The following MYLK variants were observed in gnomAD, a reference collection of about 807,000 sequenced individuals.
The protein encoded by MYLK is myosin light chain kinase.
MYLK carries 106 observed loss-of-function variants against 203.4 expected under a neutral mutation model. The ratio of observed to expected loss-of-function variants is 0.52; its 90% CI spans 0.45 to 0.61. The LOEUF is 0.61. Among genes scored for constraint, MYLK ranks in the 20% least tolerant of loss-of-function variants. The probability of loss-of-function intolerance (pLI) is 0.00; values close to 1 mark genes in which losing one functional copy is unlikely to be tolerated. For synonymous variants in MYLK, 867 were observed against 959.5 expected (o/e 0.90, Z 1.78); for missense variants, 2,072 against 2,442.3 (o/e 0.85, Z 3.20).
intron 11 of MYLK, among the ~76,000 whole-genome samples, chr3:123,730,084 C>T (rs1417783558): frequency 6.6e-6 from 1 of 151,958 alleles, no homozygotes; most frequent in Admixed American, 6.6e-5. Context: ...AAAAAATTAG[C>T]CGAGTGTGGT....
intron 13 of MYLK, among the ~76,000 whole-genome samples, chr3:123,720,962 G>A (rs1315801459): frequency 6.6e-6 from 1 of 152,168 alleles, no homozygotes; most frequent in African/African-American, 2.4e-5. Flanking sequence ...CAGGCTGTGG[G>A]CTCCAGGGTG....
chr3:123,793,554 T>C (rs1394978836), intron 4 of MYLK, 123 bp downstream of exon 4: 1 of 1,118,722 alleles, frequency 8.9e-7, no homozygotes, highest in South Asian at 1.5e-5. Flanking sequence ...TCGTTTTACA[T>C]GAAGGTCCAA....
At chr3:123,775,281 C>T (rs550939480) in intron 4 of MYLK, among the ~76,000 whole-genome samples, 21 of 152,182 alleles carry the variant, frequency 1.4e-4, no homozygotes, top group Non-Finnish European at 2.6e-4. Flanking sequence ...AATCCTCCCC[C>T]AACAGCCTCC....
chr3:123,725,820 G>T, intron 12 of MYLK, 124 bp downstream of exon 12: 1 of 1,425,104 alleles, frequency 7.0e-7, no homozygotes, highest in Non-Finnish European at 9.6e-7. Context: ...TTTGTGCCCT[G>T]TGCTTCCTTC....
chr3:123,659,766 G>C (rs373657636), intron 23 of MYLK: 1 of 499,646 alleles, frequency 2.0e-6, no homozygotes, highest in Non-Finnish European at 4.0e-6. Context: ...GACTGGGAGG[G>C]AGACCCTGGG....
intron 20 of MYLK, among the ~76,000 whole-genome samples, chr3:123,680,343 C>A (rs820362): frequency 0.88 from 134,590 of 152,130 alleles, 61,058 homozygotes; most frequent in Non-Finnish European, 0.99. Flanking sequence ...CAATACCTGC[C>A]CTGTAGCTTC....
intron 29 of MYLK, chr3:123,630,486 T>A (rs2058366858): frequency 6.6e-6 from 1 of 152,238 alleles, no homozygotes; most frequent in Non-Finnish European, 1.5e-5. Context: ...CTTATAACTT[T>A]GTTTTACAGA....
chr3:123,703,742 T>C (rs546407376), intron 16 of MYLK, among the ~76,000 whole-genome samples: 10 of 152,344 alleles, frequency 6.6e-5, no homozygotes, highest in African/African-American at 2.4e-4. Context: ...ACTCTTTTCC[T>C]ACCTTTAAGC....
chr3:123,875,462 G>C (rs1195389343), intron 2 of MYLK, among the ~76,000 whole-genome samples: 1 of 152,154 alleles, frequency 6.6e-6, no homozygotes, highest in African/African-American at 2.4e-5. Flanking sequence ...AGGTCTGCAT[G>C]GTGGGAGAGC....
intron 2 of MYLK, among the ~76,000 whole-genome samples, chr3:123,849,905 T>C (rs2030538826): frequency 6.6e-6 from 1 of 152,146 alleles, no homozygotes; most frequent in East Asian, 1.9e-4. Context: ...CCCCACACCC[T>C]ACAACAGGGC....
chr3:123,814,118 C>A, intron 3 of MYLK: 1 of 354,654 alleles, frequency 2.8e-6, no homozygotes, highest in Non-Finnish European at 5.7e-6. Context: ...CCTGTGTAGG[C>A]ACTGACCCAG....
At chr3:123,729,316 AAACT>A (rs1192668467) in intron 11 of MYLK, among the ~76,000 whole-genome samples, 2 of 152,252 alleles carry the variant, frequency 1.3e-5, no homozygotes, top group African/African-American at 2.4e-5. Context: ...GGTGATCACT[AAACT>A]AACTAAGCAG....
chr3:123,721,824 G>A (rs116411649), intron 13 of MYLK, among the ~76,000 whole-genome samples: 1,800 of 138,890 alleles, frequency 0.013, no homozygotes, highest in African/African-American at 0.023. Context: ...GTGGAGTGAG[G>A]GGGTGAGGAA....
chr3:123,633,404 A>G (rs2058514878), intron 29 of MYLK, among the ~76,000 whole-genome samples: 1 of 151,826 alleles, frequency 6.6e-6, no homozygotes, highest in Non-Finnish European at 1.5e-5. Flanking sequence ...TGGGAGTATA[A>G]GCATGAGCCA....
Position 123,819,787 on chromosome 3 carries a change from C to CTTTT in MYLK, c.-4+11757_-4+11760dup, listed in dbSNP as rs5852369. On this transcript the variant is annotated intron_variant, in intron 3 of 33. Transcript: ENST00000360304. The stretch of plus-strand genomic sequence containing the variant: ...TTCATTTGAGATATTTCTAAGCCTC[C>CTTTT]TTTTTTTTTTTTTTTTTTTTTTGCA... Among the ~76,000 whole-genome samples the CTTTT allele has an allele frequency of 1.9e-4, 14 of 74,534 alleles. 1 individual carries two copies. In the East Asian group the frequency reaches 2.6e-3, roughly 14 times the overall value. The allele number at this position is 74,534 out of a possible 152,430, so 48.9% of individuals were successfully genotyped here.
At chr3:123,768,497 A>G (rs2063774520) in intron 4 of MYLK, among the ~76,000 whole-genome samples, 1 of 151,942 alleles carries the variant, frequency 6.6e-6, no homozygotes, top group South Asian at 2.1e-4. Context: ...TAAGGCAAAG[A>G]CCCCTAACAC....
rs199719143 is a variant in MYLK, at chr3:123,733,777, C to A, written c.1219G>T (p.Gly407Cys). 7.6e-5 allele frequency: 123 copies of A among 1,614,200 alleles called. No homozygotes were observed. The African/African-American group carries it at 1.6e-3, about 21-fold the overall frequency. The change falls in exon 10 of 34, where the codon GGC (glycine) becomes TGC (cysteine). Residue 407 changes from glycine (G) to cysteine (C), a missense_variant. This residue lies in a region of MYLK where 683 missense variants were observed against 643.8 expected (regional missense o/e 1.06). Coordinates refer to ENST00000360304, the MANE Select transcript of MYLK (RefSeq NM_053025.4). ...KAANRRIPMEGQRDSAFPKFE... is the reference protein window; with the variant it reads ...KAANRRIPMECQRDSAFPKFE... ...TTGGGGAATGCTGAATCCCTCTGGC[C>A]CTCCATGGGGATTCTCCTGTTAGCA...
At chr3:123,665,121 T>C (rs1359031617) in intron 22 of MYLK, among the ~76,000 whole-genome samples, 1 of 152,350 alleles carries the variant, frequency 6.6e-6, no homozygotes, top group East Asian at 1.9e-4. Context: ...TTATGGCATA[T>C]GAATTATATC....
At chr3:123,738,621 T>C (rs1373259481) in intron 7 of MYLK, among the ~76,000 whole-genome samples, 1 of 152,174 alleles carries the variant, frequency 6.6e-6, no homozygotes, top group Non-Finnish European at 1.5e-5. Context: ...GGTTTTCTCA[T>C]GCTATTCTCA....
Sources: allele counts gnomAD v4.1 joint callset (sites outside exome capture counted in the v4.1 genomes callset), GRCh38; gene constraint gnomAD v4.1.1; regional missense constraint gnomAD v4.1.1; transcripts MANE v1.5; gene names NCBI Gene and HGNC (gene_info 2026-07-23, HGNC 2026-07-21).